EPHA6: variants seen among roughly 807,000 people sequenced by gnomAD.
EPHA6 encodes EPH receptor A6, also known as ephrin type-A receptor 6.
EPHA6 carries 50 observed loss-of-function variants against 112.0 expected under a neutral mutation model. That is an observed-to-expected ratio of 0.45 (90% CI 0.36 to 0.56). The LOEUF is 0.56. Ranked by LOEUF, EPHA6 falls within the 20% of genes least tolerant of loss-of-function variation. The probability of loss-of-function intolerance (pLI) is 0.00; values close to 1 mark genes in which losing one functional copy is unlikely to be tolerated. For missense variants in EPHA6, 1,280 were observed against 1,417.4 expected (o/e 0.90, Z 1.56); for synonymous variants, 529 against 490.7 (o/e 1.08, Z -1.03).
intron 6 of EPHA6, among the ~76,000 whole-genome samples, chr3:97,423,106 C>G (rs1202124721): frequency 2.0e-5 from 3 of 152,152 alleles, no homozygotes; most frequent in Non-Finnish European, 4.4e-5. Flanking sequence ...GACAAGGATG[C>G]CTACTCTAAC....
At chr3:96,817,321 G>A (rs879272181) in intron 1 of EPHA6, among the ~76,000 whole-genome samples, 6 of 151,728 alleles carry the variant, frequency 4.0e-5, no homozygotes, top group African/African-American at 7.2e-5. Flanking sequence ...AAAATGCTAG[G>A]TTTCTAAATG....
At chr3:96,983,208 G>A (rs1418139492) in intron 2 of EPHA6, among the ~76,000 whole-genome samples, 2 of 152,108 alleles carry the variant, frequency 1.3e-5, no homozygotes, top group South Asian at 2.1e-4. Flanking sequence ...TCCTTTCTAT[G>A]TTTAGTGCTT....
intron 3 of EPHA6, among the ~76,000 whole-genome samples, chr3:97,176,538 T>A (rs2076839622): frequency 6.6e-6 from 1 of 151,930 alleles, no homozygotes; most frequent in Non-Finnish European, 1.5e-5. Context: ...TTTTCTTTAC[T>A]GGGAGGCTTA....
In EPHA6 at chr3:97,750,190, A is replaced by T. The variant is rs2035862744; in HGVS notation, c.*1489A>T. On this transcript the variant is annotated 3_prime_UTR_variant, in exon 18 of 18. Transcript: ENST00000389672. The stretch of plus-strand genomic sequence containing the variant: ...AGAAAAAAACAGAGTAGGTTGTCTA[A>T]AGATGCTGATTTAATAAATTAGCTT... Among the ~76,000 whole-genome samples, 1 of 152,152 alleles carries T rather than the reference A, an allele frequency of 6.6e-6. No individual in the cohort carries two copies. Among genetic ancestry groups the T allele is most frequent in the Non-Finnish European group, 1.5e-5 (1 of 68,010 alleles).
At position 96,956,619 on chromosome 3, in the gene EPHA6, G is replaced by A. The variant is rs548676986; in HGVS notation, c.451-30711G>A. Reference sequence around the variant, plus strand: ...CAAGCTAGGAGAGACATTTTACAAAGATCAGGAAGCGTTTATTTGGCAAGA... The same window carrying A: ...CAAGCTAGGAGAGACATTTTACAAAAATCAGGAAGCGTTTATTTGGCAAGA... On this transcript the variant is annotated intron_variant, in intron 2 of 17. Transcript: ENST00000389672. Among the ~76,000 whole-genome samples, 88 of 152,302 alleles carry A rather than the reference G, an allele frequency of 5.8e-4. No individual in the cohort carries two copies. The Middle Eastern group carries it at 0.01, about 18-fold the overall frequency.
chr3:97,232,866 G>A (rs1013248295), intron 4 of EPHA6, among the ~76,000 whole-genome samples: 1 of 152,092 alleles, frequency 6.6e-6, no homozygotes, highest in African/African-American at 2.4e-5. Flanking sequence ...TGGCCTGCTG[G>A]CACTCGGGAG....
At chr3:97,501,782 GA>G in intron 10 of EPHA6, among the ~76,000 whole-genome samples, 1 of 151,852 alleles carries the variant, frequency 6.6e-6, no homozygotes, top group Non-Finnish European at 1.5e-5. Context: ...TAACAATTTA[GA>G]AAAAGAGAAA....
chr3:97,090,290 C>A (rs1452601461), intron 3 of EPHA6, among the ~76,000 whole-genome samples: 2 of 151,856 alleles, frequency 1.3e-5, no homozygotes, highest in African/African-American at 2.4e-5. Context: ...ATGCTGGCAA[C>A]CCTTTGAAAT....
chr3:97,633,307 G>A (rs1240601344), intron 13 of EPHA6, among the ~76,000 whole-genome samples: 1 of 151,912 alleles, frequency 6.6e-6, no homozygotes, highest in African/African-American at 2.4e-5. Flanking sequence ...GAGGGATGAA[G>A]ACAAACTGAA....
rs573743869 is a variant in EPHA6 at position 96,906,341 on chromosome 3, C to T, written c.450+39452C>T. On this transcript the variant is annotated intron_variant, in intron 2 of 17. Coordinates refer to ENST00000389672, the MANE Select transcript of EPHA6 (RefSeq NM_001080448.3). ...TATGTGAAATGGGTCAAGTGTCATCCGTCTTTGGTAAGTTCACTTAAGTTC... is the reference window on the plus strand; with the variant it reads ...TATGTGAAATGGGTCAAGTGTCATCTGTCTTTGGTAAGTTCACTTAAGTTC... 1.3e-4 allele frequency among the ~76,000 whole-genome samples: 20 copies of T among 152,088 alleles called. No homozygotes were observed. The South Asian group carries it at 3.5e-3, about 27-fold the overall frequency.
At chr3:97,350,206 C>G (rs2083739256) in intron 5 of EPHA6, among the ~76,000 whole-genome samples, 1 of 152,004 alleles carries the variant, frequency 6.6e-6, no homozygotes, top group African/African-American at 2.4e-5. Flanking sequence ...AAGCAGAAAG[C>G]CTGACCATAA....
chr3:97,738,686 C>T (rs2035375190), intron 16 of EPHA6, among the ~76,000 whole-genome samples: 1 of 152,038 alleles, frequency 6.6e-6, no homozygotes, highest in Non-Finnish European at 1.5e-5. Flanking sequence ...AGCTCTGAGA[C>T]AGCACTGCAG....
chr3:97,071,380 GT>G (rs1206761278), intron 3 of EPHA6, among the ~76,000 whole-genome samples: 2 of 151,772 alleles, frequency 1.3e-5, no homozygotes, highest in Non-Finnish European at 2.9e-5. Context: ...GTGTTAGTCC[GT>G]TTTTATGCTG....
intron 10 of EPHA6, among the ~76,000 whole-genome samples, chr3:97,485,608 G>A (rs576554738): frequency 6.6e-5 from 10 of 152,318 alleles, no homozygotes; most frequent in African/African-American, 2.4e-4. Flanking sequence ...CTCAGCCAAA[G>A]AAGCTGCCTT....
At chr3:97,182,666 G>A (rs2077022199) in intron 3 of EPHA6, among the ~76,000 whole-genome samples, 1 of 152,210 alleles carries the variant, frequency 6.6e-6, no homozygotes, top group African/African-American at 2.4e-5. Flanking sequence ...ATGAGTTTGT[G>A]CAGACTAAAG....
intron 3 of EPHA6, among the ~76,000 whole-genome samples, chr3:97,095,775 A>T (rs2047218444): frequency 6.6e-6 from 1 of 151,934 alleles, no homozygotes; most frequent in Admixed American, 6.6e-5. Context: ...ATAAAAAAAA[A>T]AACAAGCAAA....
chr3:97,426,446 C>A (rs1376201921), intron 6 of EPHA6, among the ~76,000 whole-genome samples: 1 of 152,182 alleles, frequency 6.6e-6, no homozygotes, highest in Non-Finnish European at 1.5e-5. Context: ...TTCCACCTGG[C>A]CCTGTCATTG....
intron 1 of EPHA6, among the ~76,000 whole-genome samples, chr3:96,822,276 GGTTA>G (rs1382936883): frequency 6.6e-6 from 1 of 151,800 alleles, no homozygotes; most frequent in East Asian, 1.9e-4. Flanking sequence ...ATTTTTGGTG[GGTTA>G]GTTATTAAAA....
intron 10 of EPHA6, among the ~76,000 whole-genome samples, chr3:97,487,574 T>C (rs2107510038): frequency 6.6e-6 from 1 of 152,324 alleles, no homozygotes; most frequent in Admixed American, 6.5e-5. Context: ...CAAAATACTG[T>C]GCAACTGAAC....
Sources: allele counts gnomAD v4.1 joint callset (sites outside exome capture counted in the v4.1 genomes callset), GRCh38; gene constraint gnomAD v4.1.1; transcripts MANE v1.5; gene names NCBI Gene and HGNC (gene_info 2026-07-23, HGNC 2026-07-21).